The following C1QTNF8 variants were observed in gnomAD, a reference collection of about 807,000 sequenced individuals.
The protein encoded by C1QTNF8 is complement C1q tumor necrosis factor-related protein 8.
C1QTNF8 carries 27 observed loss-of-function variants against 19.2 expected under a neutral mutation model. That is an observed-to-expected ratio of 1.41 (90% CI 1.04 to 1.94). The LOEUF is 1.94. Among genes scored for constraint, C1QTNF8 ranks in the 30% most tolerant of loss-of-function variants. C1QTNF8 has a pLI of 0.00. For missense variants in C1QTNF8, 484 were observed against 374.4 expected, an observed-to-expected ratio of 1.29 and a Z score of -2.42; for synonymous variants, 208 against 172.8, an observed-to-expected ratio of 1.20 and a Z score of -1.60.
intron 3 of C1QTNF8, 122 bp downstream of exon 3, chr16:1,094,593 G>C: frequency 2.7e-6 from 2 of 735,976 alleles, no homozygotes; most frequent in Non-Finnish European, 4.2e-6. Context: ...GCGCTGCCAG[G>C]GCAGACACTG....
rs755541968 is a variant in C1QTNF8 at position 1,094,873 on chromosome 16, GC to G, written c.49del (p.Ala17ProfsTer26). On this transcript the variant is annotated frameshift_variant, in exon 3 of 5. Coordinates refer to ENST00000328449, the MANE Select transcript of C1QTNF8 (RefSeq NM_207419.3). LOFTEE classifies it high-confidence loss of function. ...GGGCCTCCTGGGCAGCCCGGGCCAG[GC>G]CCCCACGGGCAGCAGCAGTGCTAGG... ...LLLALLLPVG[A>X]WPGLPRRPCV... The G allele has an allele frequency of 2.9e-6, 4 of 1,397,742 alleles. No homozygotes were observed. The highest frequency in any genetic ancestry group is 6.0e-5 in the Admixed American group (2 of 33,322). 86.6% of individuals were successfully genotyped at this position (1,397,742 alleles called of 1,614,324 possible).
At chr16:1,093,458 G>GCT in intron 4 of C1QTNF8, 39 bp downstream of exon 4, 1 of 1,059,626 alleles carries the variant, frequency 9.4e-7, no homozygotes, top group Non-Finnish European at 1.2e-6. Flanking sequence ...ACACACACAC[G>GCT]CGCGCGCGCG....
At chr16:1,091,422 G>T (rs145713112) in intron 4 of C1QTNF8, among the ~76,000 whole-genome samples, 2 of 152,260 alleles carry the variant, frequency 1.3e-5, no homozygotes, top group East Asian at 1.9e-4. Flanking sequence ...CTGGGAAGAG[G>T]GGGAGGGAGG....
intron 3 of C1QTNF8, chr16:1,094,506 A>T (rs1454539633): frequency 2.0e-6 from 1 of 498,604 alleles, no homozygotes; most frequent in African/African-American, 2.0e-5. Context: ...TCAGCACCCC[A>T]CTTTGGTTCA....
rs1960518060 is a variant in C1QTNF8, at chr16:1,090,291, G to A, written c.*308C>T. 1 of 152,618 alleles carries A rather than the reference G, an allele frequency of 6.6e-6. No individual in the cohort carries two copies. Among genetic ancestry groups the A allele is most frequent in the African/African-American group, 2.4e-5 (1 of 41,454 alleles). The allele number at this position is 152,618 out of a possible 1,614,324, so 9.5% of individuals were successfully genotyped here. ...TGGGAGGCAGCAGGCTTGGGCAGTG[G>A]GTGGGGGTGGCGCAGCCGGGACAGA... On this transcript the variant is annotated 3_prime_UTR_variant, in exon 5 of 5. Coordinates refer to ENST00000328449, the MANE Select transcript of C1QTNF8 (RefSeq NM_207419.3).
Position 1,093,512 on chromosome 16 carries a change from C to A in C1QTNF8, c.748G>T (p.Ala250Ser). Residue 250 changes from alanine (A) to serine (S), a missense_variant, in exon 4 of 5, where the codon GCC (alanine) becomes TCC (serine). Ala to Ser is a moderately conservative substitution (Grantham distance 99, BLOSUM62 1). Transcript: ENST00000328449. Reference sequence around the variant, plus strand: ...GGCCCCTCACCCGGCTACAGCTCGGCGGCCGGCTTGACCAGGTGGCCGCTG... The same window carrying A: ...GGCCCCTCACCCGGCTACAGCTCGGAGGCCGGCTTGACCAGGTGGCCGCTG... Reference protein sequence around the residue: ...TFSGHLVKPAAEL With the variant: ...TFSGHLVKPASEL 2 of 1,536,016 alleles carry A rather than the reference C, an allele frequency of 1.3e-6. No individual in the cohort carries two copies. Among genetic ancestry groups the A allele is most frequent in the Non-Finnish European group, 8.8e-7 (1 of 1,140,116 alleles).
At position 1,088,997 on chromosome 16, in the gene C1QTNF8, G is replaced by A. The variant is rs1440915689; in HGVS notation, c.*1602C>T. On this transcript the variant is annotated 3_prime_UTR_variant, in exon 5 of 5. Coordinates refer to ENST00000328449, the MANE Select transcript of C1QTNF8 (RefSeq NM_207419.3). ...TGAGCTCCCTGGTGCAGGGGCTGGCGTCTTCCCGGGACTCTCTTCCTCAGG... is the reference window on the plus strand; with the variant it reads ...TGAGCTCCCTGGTGCAGGGGCTGGCATCTTCCCGGGACTCTCTTCCTCAGG... Among the ~76,000 whole-genome samples the A allele has an allele frequency of 8.5e-5, 13 of 152,156 alleles. No individual in the cohort carries two copies. Among genetic ancestry groups the A allele is most frequent in the Non-Finnish European group, 1.3e-4 (9 of 68,024 alleles).
In C1QTNF8 at chr16:1,089,430, T is replaced by C. The variant is rs1013579173; in HGVS notation, c.*1169A>G. Among the ~76,000 whole-genome samples, 3 of 152,188 alleles carry C rather than the reference T, an allele frequency of 2.0e-5. No homozygotes were observed. The highest frequency in any genetic ancestry group is 4.4e-5 in the Non-Finnish European group (3 of 68,012). On this transcript the variant is annotated 3_prime_UTR_variant, in exon 5 of 5. Transcript: ENST00000328449. ...GGCCTGGACACCAAGGGCTCGGCTCTGGGCAGTGCCCACTTGGGACCTGCA... is the reference window on the plus strand; with the variant it reads ...GGCCTGGACACCAAGGGCTCGGCTCCGGGCAGTGCCCACTTGGGACCTGCA...
At chr16:1,092,252 C>T (rs1434968521) in intron 4 of C1QTNF8, among the ~76,000 whole-genome samples, 1 of 152,250 alleles carries the variant, frequency 6.6e-6, no homozygotes, top group Non-Finnish European at 1.5e-5. Flanking sequence ...CCAGTCCCTG[C>T]ACACAGTCGG....
intron 2 of C1QTNF8, 111 bp from the exon 3 acceptor site, chr16:1,095,044 G>A (rs562089829): frequency 3.1e-5 from 14 of 454,770 alleles, no homozygotes; most frequent in South Asian, 2.6e-4. Flanking sequence ...CAGTGGAGGC[G>A]GGAGCTTCTG....
chr16:1,094,357 C>T (rs554722289), intron 3 of C1QTNF8, among the ~76,000 whole-genome samples: 2 of 152,298 alleles, frequency 1.3e-5, no homozygotes, highest in South Asian at 2.1e-4. Flanking sequence ...AGGTCCTACC[C>T]AAGCCTAACC....
chr16:1,093,967 C>CG lies in C1QTNF8; in HGVS notation c.292dup (p.Arg98ProfsTer277), dbSNP rs1452176745. 1.4e-6 allele frequency: 2 copies of CG among 1,481,088 alleles called. No individual in the cohort carries two copies. Among genetic ancestry groups the CG allele is most frequent in the Non-Finnish European group, 1.8e-6 (2 of 1,130,346 alleles). The allele number at this position is 1,481,088 out of a possible 1,614,324, so 91.7% of individuals were successfully genotyped here. A position where few individuals can be genotyped will look rare whatever the true frequency, so the allele number is the denominator to read the frequency against. On this transcript the variant is annotated frameshift_variant, in exon 4 of 5. Coordinates refer to ENST00000328449, the MANE Select transcript of C1QTNF8 (RefSeq NM_207419.3). LOFTEE classifies it high-confidence loss of function. ...CCCCACCTGCCCCTTCTGGCCTCTGCGGCCCTGCAGGCCCCGGGCGCCTGG... is the reference window on the plus strand; with the variant it reads ...CCCCACCTGCCCCTTCTGGCCTCTGCGGGCCCTGCAGGCCCCGGGCGCCTGG...
rs1018031339 is a variant in C1QTNF8, at chr16:1,095,595, G to C, written c.-12+20C>G. On this transcript the variant is annotated intron_variant, in intron 2 of 4. Transcript: ENST00000328449. ...CTGCCCCAACAAGCCTGGCCCCCCT[G>C]CCAGGTGGGCCTTGCCTACCCCACT... The C allele has an allele frequency of 6.6e-6, 1 of 152,282 alleles. No individual in the cohort carries two copies. The highest frequency in any genetic ancestry group is 1.5e-5 in the Non-Finnish European group (1 of 68,090). The allele number at this position is 152,282 out of a possible 1,614,324, so 9.4% of individuals were successfully genotyped here.
At position 1,094,727 on chromosome 16, in the gene C1QTNF8, C is replaced by T. The variant is rs145677284; in HGVS notation, c.196G>A (p.Glu66Lys). The change falls in exon 3 of 5, where the codon GAA (glutamate) becomes AAA (lysine). Residue 66 changes from glutamate (E) to lysine (K), a missense_variant. Coordinates refer to ENST00000328449, the MANE Select transcript of C1QTNF8 (RefSeq NM_207419.3). Reference protein sequence around the residue: ...LPRVRPTIDIEILKGEKGEAG... With the variant: ...LPRVRPTIDIKILKGEKGEAG... ...CCACGGGCCTCACCTTTGAGGATTTCGATGTCTATAGTGGGCCGTACTCGA... is the reference window on the plus strand; with the variant it reads ...CCACGGGCCTCACCTTTGAGGATTTTGATGTCTATAGTGGGCCGTACTCGA... 4.4e-6 allele frequency: 7 copies of T among 1,591,116 alleles called. No homozygotes were observed. Among genetic ancestry groups the T allele is most frequent in the East Asian group, 4.8e-5 (2 of 41,892 alleles).
At position 1,093,748 on chromosome 16, in the gene C1QTNF8, T is replaced by G. The variant is rs1960620917; in HGVS notation, c.512A>C (p.His171Pro). The G allele has an allele frequency of 6.2e-7, 1 of 1,612,252 alleles. No homozygotes were observed. ...PGVYFLSLNV[H>P]TWNYKETYLH... ...GTAGGTCTCCTTGTAGTTCCAGGTG[T>G]GCACGTTGAGGCTGAGGAAGTAGAC... Residue 171 changes from histidine (H) to proline (P), a missense_variant, in exon 4 of 5, where the codon CAC becomes CCC. Physicochemically the swap from His to Pro is moderately conservative, Grantham distance 77 (BLOSUM62 -2). Transcript: ENST00000328449.
chr16:1,095,056 C>T (rs1960656144), intron 2 of C1QTNF8, 123 bp from the exon 3 acceptor site: 1 of 437,220 alleles, frequency 2.3e-6, no homozygotes, highest in African/African-American at 2.0e-5. Context: ...GAGCTTCTGC[C>T]TGGGCACGGA....
At position 1,093,769 on chromosome 16, in the gene C1QTNF8, T is replaced by A; in HGVS notation, c.491A>T (p.Tyr164Phe). ...GGTGTGCACGTTGAGGCTGAGGAAG[T>A]AGACGCCGGGCACCGTGCAGAGGAA... ...GRFLCTVPGV[Y>F]FLSLNVHTWN... is the part of the protein sequence containing the mutation. Residue 164 changes from tyrosine (Y) to phenylalanine (F), a missense_variant, in exon 4 of 5, where the codon TAC becomes TTC. Tyr to Phe is a conservative substitution (Grantham distance 22, BLOSUM62 3). Transcript: ENST00000328449. 6.2e-7 allele frequency: 1 copy of A among 1,612,102 alleles called. No individual in the cohort carries two copies. Among genetic ancestry groups the A allele is most frequent in the Non-Finnish European group, 8.5e-7 (1 of 1,179,650 alleles).
At chr16:1,095,148 T>G (rs1242953910) in intron 2 of C1QTNF8, among the ~76,000 whole-genome samples, 1 of 152,204 alleles carries the variant, frequency 6.6e-6, no homozygotes, top group Non-Finnish European at 1.5e-5. Flanking sequence ...CCTGCACACC[T>G]GGAGTCGGGG....
chr16:1,095,930 G>C (rs1229885892), intron 1 of C1QTNF8, 142 bp from the exon 2 acceptor site: 2 of 152,344 alleles, frequency 1.3e-5, no homozygotes, highest in African/African-American at 2.4e-5. Context: ...TCCTCCGGCA[G>C]AGGGAGCCTG....
Sources: gnomAD v4.1 joint callset for allele counts (sites outside exome capture counted in the v4.1 genomes callset) on GRCh38, gnomAD v4.1.1 for gene constraint, MANE v1.5 for transcripts, NCBI Gene and HGNC (gene_info 2026-07-23, HGNC 2026-07-21) for gene names.